The following RBM6 variants were observed in gnomAD, a reference collection of about 807,000 sequenced individuals.
RBM6 encodes the protein RNA binding motif protein 6, also known as RNA-binding protein 6.
A neutral mutation model predicts 140.4 loss-of-function variants in RBM6; 23 were observed. That is an observed-to-expected ratio of 0.16 (90% CI 0.12 to 0.23). RBM6 has a LOEUF of 0.23. Among genes scored for constraint, RBM6 ranks in the 10% least tolerant of loss-of-function variants. The probability of loss-of-function intolerance (pLI) is 1.00; values close to 1 mark genes in which losing one functional copy is unlikely to be tolerated. For missense variants in RBM6, 1,139 were observed against 1,386.7 expected (o/e 0.82, Z 2.84); for synonymous variants, 439 against 475.6 (o/e 0.92, Z 1.00).
intron 4 of RBM6, among the ~76,000 whole-genome samples, chr3:49,972,605 G>A (rs2084853263): frequency 6.6e-6 from 1 of 152,152 alleles, no homozygotes; most frequent in African/African-American, 2.4e-5. Context: ...GCCAGGCATT[G>A]TGTGATACTT....
chr3:50,001,476 CTA>C (rs1559570528), intron 6 of RBM6, among the ~76,000 whole-genome samples: 1 of 152,040 alleles, frequency 6.6e-6, no homozygotes, highest in African/African-American at 2.4e-5. Flanking sequence ...GTACAGTTAA[CTA>C]TTTATATAGT....
At chr3:49,988,988 G>T (rs574881049) in intron 5 of RBM6, among the ~76,000 whole-genome samples, 3 of 152,172 alleles carry the variant, frequency 2.0e-5, no homozygotes, top group Admixed American at 2.0e-4. Flanking sequence ...GAGCTGTGTT[G>T]AGTGGGCTGT....
intron 6 of RBM6, among the ~76,000 whole-genome samples, chr3:50,010,226 G>A (rs2086777879): frequency 6.6e-6 from 1 of 152,064 alleles, no homozygotes; most frequent in Non-Finnish European, 1.5e-5. Context: ...AGATTTGTGA[G>A]GTTAATTTTG....
At chr3:50,057,279 T>A (rs865852942) in intron 8 of RBM6, among the ~76,000 whole-genome samples, 1 of 152,110 alleles carries the variant, frequency 6.6e-6, no homozygotes, top group South Asian at 2.1e-4. Context: ...ATTAGATATT[T>A]CTGAGATAAT....
At chr3:49,985,134 A>G (rs967584034) in intron 5 of RBM6, among the ~76,000 whole-genome samples, 2 of 152,128 alleles carry the variant, frequency 1.3e-5, no homozygotes, top group East Asian at 1.9e-4. Flanking sequence ...GGGGCTTCCT[A>G]TGCCTTTTGG....
At chr3:50,070,171 A>G (rs2090254659) in intron 18 of RBM6, among the ~76,000 whole-genome samples, 1 of 152,116 alleles carries the variant, frequency 6.6e-6, no homozygotes. Context: ...CCTGACTAAC[A>G]TAGTGAAACC....
chr3:49,974,119 G>C (rs1315922378), intron 4 of RBM6, among the ~76,000 whole-genome samples: 1 of 151,440 alleles, frequency 6.6e-6, no homozygotes, highest in African/African-American at 2.4e-5. Flanking sequence ...GGATGGTCTC[G>C]ATCCCCTGAC....
chr3:50,062,013 A>G lies in RBM6; in HGVS notation c.2491A>G (p.Lys831Glu). Residue 831 changes from lysine to glutamate, a missense_variant, in exon 15 of 21, where the codon AAG becomes GAG. By Grantham distance (56) the Lys-to-Glu change is moderately conservative. Around this residue, in one of 9 missense-constraint regions of RBM6, gnomAD observed 163 missense variants for 182.8 expected, o/e 0.89. Transcript: ENST00000266022. ...DPGLPEEEEIKEKKPTSQGKS... is the reference protein window; with the variant it reads ...DPGLPEEEEIEEKKPTSQGKS... Reference sequence around the variant, plus strand: ...TGGATTACCTGAGGAAGAAGAGATCAAGGAAAAAAAACCCACCAGTCAAGG... The same window carrying G: ...TGGATTACCTGAGGAAGAAGAGATCGAGGAAAAAAAACCCACCAGTCAAGG... 3 of 1,614,084 alleles carry G rather than the reference A, an allele frequency of 1.9e-6. No individual in the cohort carries two copies. Among genetic ancestry groups the G allele is most frequent in the Non-Finnish European group, 1.7e-6 (2 of 1,179,984 alleles).
At chr3:50,019,044 T>TA (rs1356672898) in intron 6 of RBM6, among the ~76,000 whole-genome samples, 2 of 151,680 alleles carry the variant, frequency 1.3e-5, no homozygotes, top group Admixed American at 6.6e-5. Context: ...TTTATTTATT[T>TA]TTTTTTTTTG....
chr3:49,992,095 G>A (rs1206032428), intron 5 of RBM6, among the ~76,000 whole-genome samples: 9 of 151,984 alleles, frequency 5.9e-5, no homozygotes, highest in African/African-American at 2.2e-4. Context: ...GAGATTACAG[G>A]TGTGTACCAC....
Position 50,057,966 on chromosome 3 carries a change from A to G in RBM6, c.1932A>G (p.Ser644=). 1 of 1,614,068 alleles carries G rather than the reference A, an allele frequency of 6.2e-7. No homozygotes were observed. Among genetic ancestry groups the G allele is most frequent in the Non-Finnish European group, 8.5e-7 (1 of 1,180,040 alleles). ...TCCGAAGAGACCGAGAGAGGGAGTC[A>G]TGGTCTGGAGAGACACGCCAGGATG... The part of the protein sequence containing the change: ...PTFRRDRERE[S]WSGETRQDGE... Residue 644 remains serine (S), a synonymous_variant, in exon 9 of 21, where the codon TCA becomes TCG. Coordinates refer to ENST00000266022, the MANE Select transcript of RBM6 (RefSeq NM_005777.3).
intron 6 of RBM6, chr3:50,047,224 A>G (rs2089265443): frequency 2.0e-6 from 2 of 985,100 alleles, no homozygotes; most frequent in Non-Finnish European, 2.4e-6. Flanking sequence ...AATTGCAAAG[A>G]AATGGCTTGT....
intron 1 of RBM6, among the ~76,000 whole-genome samples, chr3:49,952,564 A>G (rs538399171): frequency 6.7e-6 from 1 of 148,962 alleles, no homozygotes; most frequent in Admixed American, 6.8e-5. Flanking sequence ...GCAATGGTGC[A>G]TCTCGACTCA....
At chr3:50,003,631 A>C (rs1411493798) in intron 6 of RBM6, among the ~76,000 whole-genome samples, 1 of 152,244 alleles carries the variant, frequency 6.6e-6, no homozygotes. Flanking sequence ...GAAGTTGCTC[A>C]AGATGATAAC....
chr3:49,997,158 G>A (rs2086121692), intron 5 of RBM6, among the ~76,000 whole-genome samples: 1 of 151,588 alleles, frequency 6.6e-6, no homozygotes, highest in Admixed American at 6.6e-5. Flanking sequence ...TGAACACACA[G>A]AATACCTTTT....
intron 5 of RBM6, among the ~76,000 whole-genome samples, chr3:49,984,657 C>G (rs541922019): frequency 7.1e-6 from 1 of 140,158 alleles, no homozygotes; most frequent in South Asian, 2.2e-4. Context: ...CATCGCATCG[C>G]ATCGCATTGC....
intron 6 of RBM6, among the ~76,000 whole-genome samples, chr3:50,039,447 C>T (rs780483936): frequency 6.7e-6 from 1 of 149,410 alleles, no homozygotes; most frequent in Non-Finnish European, 1.5e-5. Context: ...CCATGTTGGC[C>T]AGGCTGGTCT....
chr3:49,969,012 C>CATTT (rs549393903), intron 3 of RBM6, among the ~76,000 whole-genome samples: 504 of 147,482 alleles, frequency 3.4e-3, no homozygotes, highest in Non-Finnish European at 4.4e-3. Flanking sequence ...TGAAGGATGA[C>CATTT]ATTTATTTAT....
intron 1 of RBM6, among the ~76,000 whole-genome samples, chr3:49,945,974 G>C (rs2083469061): frequency 6.6e-6 from 1 of 151,546 alleles, no homozygotes; most frequent in African/African-American, 2.4e-5. Context: ...CTGGATACCA[G>C]GAGTGCGTGT....
Sources: allele counts gnomAD v4.1 joint callset (sites outside exome capture counted in the v4.1 genomes callset), GRCh38; gene constraint gnomAD v4.1.1; regional missense constraint gnomAD v4.1.1; transcripts MANE v1.5; gene names NCBI Gene and HGNC (gene_info 2026-07-23, HGNC 2026-07-21).